The following PEX14 variants were observed in gnomAD, a reference collection of about 807,000 sequenced individuals.
The protein encoded by PEX14 is peroxisomal membrane protein PEX14.
PEX14 carries 15 observed loss-of-function variants against 49.5 expected under a neutral mutation model. The observed-to-expected ratio is 0.30, with a 90% CI of 0.20 to 0.47. The LOEUF (loss-of-function observed/expected upper bound fraction) is 0.47, where lower values mean the gene tolerates loss of function less well. Among genes scored for constraint, PEX14 ranks in the 20% least tolerant of loss-of-function variants. The pLI, the probability that PEX14 is intolerant of heterozygous loss-of-function variation, is 1.00. For missense variants in PEX14, 398 were observed against 494.8 expected (o/e 0.80, Z 1.86); for synonymous variants, 210 against 212.7 (o/e 0.99, Z 0.11).
intron 3 of PEX14, among the ~76,000 whole-genome samples, chr1:10,586,834 G>T (rs1640507958): frequency 6.6e-6 from 1 of 151,452 alleles, no homozygotes; most frequent in African/African-American, 2.4e-5. Context: ...GTAGAGACGG[G>T]GTTTCACCAT....
intron 3 of PEX14, among the ~76,000 whole-genome samples, chr1:10,549,780 A>C (rs1313086071): frequency 6.6e-6 from 1 of 152,238 alleles, no homozygotes; most frequent in Non-Finnish European, 1.5e-5. Flanking sequence ...AAAACGTTTC[A>C]GATTTTGGAT....
chr1:10,528,893 C>T lies in PEX14; in HGVS notation c.85-7320C>T, dbSNP rs537629012. Among the ~76,000 whole-genome samples, 3 of 152,318 alleles carry T rather than the reference C, an allele frequency of 2.0e-5. No individual in the cohort carries two copies. In the East Asian group the frequency reaches 5.8e-4, roughly 29 times the overall value. Reference sequence around the variant, plus strand: ...GCTCGTTTGCCTTCTCTGCTGAGGTCACTGCTACCGTGATCCGTGTATAAT... The same window carrying T: ...GCTCGTTTGCCTTCTCTGCTGAGGTTACTGCTACCGTGATCCGTGTATAAT... On this transcript the variant is annotated intron_variant, in intron 2 of 8. Transcript: ENST00000356607.
At position 10,597,828 on chromosome 1, in the gene PEX14, G is replaced by A. The variant is rs1042229111; in HGVS notation, c.170-1410G>A. 1.3e-5 allele frequency among the ~76,000 whole-genome samples: 2 copies of A among 152,230 alleles called. No individual in the cohort carries two copies. The highest frequency in any genetic ancestry group is 4.8e-5 in the African/African-American group (2 of 41,464). ...AGAAGGGAAAAAAGAGTCCAGGGCT[G>A]TTTAGAAAAGTTCGGGCATTTTCCT... On this transcript the variant is annotated intron_variant, in intron 3 of 8. Coordinates refer to ENST00000356607, the MANE Select transcript of PEX14 (RefSeq NM_004565.3). This position sits in a 1 kb window ranked among gnomAD's most constrained non-coding sequence, Gnocchi z 5.7.
intron 3 of PEX14, among the ~76,000 whole-genome samples, chr1:10,576,759 C>CTTT (rs374589674): frequency 2.1e-5 from 3 of 139,592 alleles, no homozygotes; most frequent in Admixed American, 7.1e-5. Flanking sequence ...AATTGCTGTA[C>CTTT]TTTTTTTTTT....
chr1:10,493,186 C>G (rs938884800), intron 1 of PEX14, among the ~76,000 whole-genome samples: 1 of 152,136 alleles, frequency 6.6e-6, no homozygotes, highest in Non-Finnish European at 1.5e-5. Flanking sequence ...GTTTTTCTGT[C>G]TTCTAAGAGC....
At chr1:10,542,562 C>T (rs999487263) in intron 3 of PEX14, among the ~76,000 whole-genome samples, 1 of 152,146 alleles carries the variant, frequency 6.6e-6, no homozygotes. Flanking sequence ...AAAATTGAGA[C>T]CATCCTAGCT....
chr1:10,526,533 C>T (rs962784855), intron 2 of PEX14, among the ~76,000 whole-genome samples: 1 of 152,128 alleles, frequency 6.6e-6, no homozygotes, highest in Non-Finnish European at 1.5e-5. Flanking sequence ...ATGAATTACA[C>T]TTTTGGAACC....
At chr1:10,552,410 C>T (rs1195031075) in intron 3 of PEX14, among the ~76,000 whole-genome samples, 1 of 152,234 alleles carries the variant, frequency 6.6e-6, no homozygotes, top group African/African-American at 2.4e-5. Flanking sequence ...CCATTGTACT[C>T]CAGCCTGGGC....
chr1:10,488,493 T>C (rs1031829968), intron 1 of PEX14, among the ~76,000 whole-genome samples: 1 of 151,856 alleles, frequency 6.6e-6, no homozygotes, highest in African/African-American at 2.4e-5. Flanking sequence ...TTTTCATGTC[T>C]AGAAATTCTA....
intron 5 of PEX14, among the ~76,000 whole-genome samples, chr1:10,620,783 A>G (rs1557434981): frequency 6.6e-6 from 1 of 152,274 alleles, no homozygotes; most frequent in African/African-American, 2.4e-5. Flanking sequence ...TGGGTGAAAG[A>G]GCGAGACTTT....
At chr1:10,502,591 A>G (rs1641700748) in intron 2 of PEX14, among the ~76,000 whole-genome samples, 1 of 152,166 alleles carries the variant, frequency 6.6e-6, no homozygotes, top group Non-Finnish European at 1.5e-5. Flanking sequence ...GGAATTTGAA[A>G]AAGTTATTCA....
At position 10,629,605 on chromosome 1, in the gene PEX14, C is replaced by T. The variant is rs1160685953; in HGVS notation, c.752C>T (p.Ser251Phe). The T allele has an allele frequency of 6.2e-7, 1 of 1,614,068 alleles. No individual in the cohort carries two copies. Among genetic ancestry groups the T allele is most frequent in the Non-Finnish European group, 8.5e-7 (1 of 1,180,012 alleles). The change falls in exon 9 of 9, where the codon TCC (serine) becomes TTC (phenylalanine). Residue 251 changes from serine to phenylalanine, a missense_variant. Coordinates refer to ENST00000356607, the MANE Select transcript of PEX14 (RefSeq NM_004565.3). The surrounding 1 kb of genome is among the most constrained non-coding windows in gnomAD (Gnocchi z 8.5). Reference sequence around the variant, plus strand: ...ATCCCAGTCAAGTCACCGTCACCCTCCAGCCCTGCGGCCGTGAACCACCAC... The same window carrying T: ...ATCCCAGTCAAGTCACCGTCACCCTTCAGCCCTGCGGCCGTGAACCACCAC... ...WQIPVKSPSP[S>F]SPAAVNHHSS...
intron 3 of PEX14, among the ~76,000 whole-genome samples, chr1:10,556,472 G>T (rs1639493212): frequency 6.6e-6 from 1 of 152,096 alleles, no homozygotes; most frequent in Non-Finnish European, 1.5e-5. Flanking sequence ...TACTAATAAG[G>T]AGCACTGGGG....
chr1:10,505,230 G>A (rs933084785), intron 2 of PEX14, among the ~76,000 whole-genome samples: 1 of 152,168 alleles, frequency 6.6e-6, no homozygotes, highest in African/African-American at 2.4e-5. Context: ...AGCACCTTGC[G>A]AGGCTGAGGC....
At chr1:10,500,373 C>CAAA (rs750781683) in intron 2 of PEX14, among the ~76,000 whole-genome samples, 1,147 of 43,628 alleles carry the variant, frequency 0.026, 17 homozygotes, top group Non-Finnish European at 0.034. Context: ...GATTCTGTCT[C>CAAA]AAAAAAAAAA....
At chr1:10,497,696 G>A (rs1013236541) in intron 2 of PEX14, among the ~76,000 whole-genome samples, 4 of 152,218 alleles carry the variant, frequency 2.6e-5, no homozygotes, top group African/African-American at 7.2e-5. Context: ...TGCGGAGGGC[G>A]AGGGCCACTT....
chr1:10,624,563 C>T, intron 7 of PEX14, 126 bp downstream of exon 7: 1 of 725,264 alleles, frequency 1.4e-6, no homozygotes, highest in Non-Finnish European at 2.5e-6. Context: ...ACAGTGGTTA[C>T]ACAGCCGTGG....
rs1032232489 is a variant in PEX14, at chr1:10,540,761, C to T, written c.169+4464C>T. On this transcript the variant is annotated intron_variant, in intron 3 of 8. Coordinates refer to ENST00000356607, the MANE Select transcript of PEX14 (RefSeq NM_004565.3). Reference sequence around the variant, plus strand: ...CAGCAGATAGCTTGGGGGGAGGGCACGGAAATCTTGCCAGCTCCCACCCCT... The same window carrying T: ...CAGCAGATAGCTTGGGGGGAGGGCATGGAAATCTTGCCAGCTCCCACCCCT... Among the ~76,000 whole-genome samples, 6 of 152,142 alleles carry T rather than the reference C, an allele frequency of 3.9e-5. No individual in the cohort carries two copies. In the East Asian group the frequency reaches 5.8e-4, roughly 15 times the overall value.
chr1:10,485,701 A>T (rs1641355699), intron 1 of PEX14, among the ~76,000 whole-genome samples: 1 of 150,786 alleles, frequency 6.6e-6, no homozygotes, highest in Non-Finnish European at 1.5e-5. Flanking sequence ...TAGAAATAAA[A>T]TTGAATTTTA....
Sources: gnomAD v4.1 joint callset for allele counts (sites outside exome capture counted in the v4.1 genomes callset) on GRCh38, gnomAD v4.1.1 for gene constraint, Gnocchi (gnomAD v3.1) non-coding constraint, MANE v1.5 for transcripts, NCBI Gene and HGNC (gene_info 2026-07-23, HGNC 2026-07-21) for gene names.